FSTL4: variants seen among roughly 807,000 people sequenced by gnomAD.
FSTL4 encodes the protein follistatin like 4.
Under a neutral mutation model 78.2 loss-of-function variants are expected in FSTL4, and 28 were observed. The observed-to-expected ratio is 0.36, with a 90% CI of 0.27 to 0.49. FSTL4 has a LOEUF of 0.49. Among genes scored for constraint, FSTL4 ranks in the 20% least tolerant of loss-of-function variants. The probability of loss-of-function intolerance (pLI) is 0.98; values close to 1 mark genes in which losing one functional copy is unlikely to be tolerated. For missense variants in FSTL4, 922 were observed against 1,084.9 expected, an observed-to-expected ratio of 0.85 and a Z score of 2.11; for synonymous variants, 422 against 440.5, an observed-to-expected ratio of 0.96 and a Z score of 0.53.
chr5:133,707,850 C>T, the FSTL4 span, among the ~76,000 whole-genome samples: 1 of 152,048 alleles, frequency 6.6e-6, no homozygotes, highest in Non-Finnish European at 1.5e-5. Context: ...CCTTTCTGCA[C>T]AGTGCTTCCC....
chr5:133,280,882 C>T (rs1354766103), intron 6 of FSTL4, among the ~76,000 whole-genome samples: 3 of 152,202 alleles, frequency 2.0e-5, no homozygotes, highest in Non-Finnish European at 4.4e-5. Context: ...CCTGTCTCTT[C>T]CTTTACATTA....
intron 14 of FSTL4, among the ~76,000 whole-genome samples, chr5:133,207,389 A>G (rs1159006148): frequency 2.6e-5 from 4 of 152,184 alleles, no homozygotes; most frequent in Non-Finnish European, 5.9e-5. Flanking sequence ...ACCTGTCATC[A>G]CTATTCTCAC....
chr5:133,797,349 G>A, the FSTL4 span, among the ~76,000 whole-genome samples: 1 of 152,226 alleles, frequency 6.6e-6, no homozygotes, highest in Non-Finnish European at 1.5e-5. Flanking sequence ...TTTGGAGTCA[G>A]CAGAAAGGAA....
chr5:133,460,793 C>G (rs569623838), intron 3 of FSTL4, among the ~76,000 whole-genome samples: 1 of 152,312 alleles, frequency 6.6e-6, no homozygotes, highest in South Asian at 2.1e-4. Context: ...TAAACAAGGG[C>G]TTGAATTGAG....
the FSTL4 span, among the ~76,000 whole-genome samples, chr5:133,743,580 G>A: frequency 1.5e-4 from 23 of 152,276 alleles, no homozygotes; most frequent in East Asian, 4.4e-3. Flanking sequence ...ACTAAATAAT[G>A]CAATTCACAT....
the FSTL4 span, among the ~76,000 whole-genome samples, chr5:133,744,740 A>G: frequency 0.14 from 21,702 of 152,022 alleles, 1,848 homozygotes; most frequent in African/African-American, 0.21. Flanking sequence ...CCGGACTAAG[A>G]TGCACCCTTC....
intron 3 of FSTL4, among the ~76,000 whole-genome samples, chr5:133,532,015 T>C (rs890400548): frequency 2.0e-5 from 3 of 152,296 alleles, no homozygotes; most frequent in African/African-American, 7.2e-5. Context: ...AAAACGGACT[T>C]TACAGAAGTG....
At chr5:133,509,569 C>T (rs1298837650) in intron 3 of FSTL4, among the ~76,000 whole-genome samples, 1 of 152,212 alleles carries the variant, frequency 6.6e-6, no homozygotes, top group Non-Finnish European at 1.5e-5. Flanking sequence ...AGTGTTCACT[C>T]TCGCTATTTA....
chr5:133,659,332 TACCA>T, the FSTL4 span, among the ~76,000 whole-genome samples: 1 of 152,092 alleles, frequency 6.6e-6, no homozygotes, highest in East Asian at 1.9e-4. Context: ...TTACTTGTTT[TACCA>T]ATATATAGCA....
intron 4 of FSTL4, among the ~76,000 whole-genome samples, chr5:133,321,687 G>C (rs779754146): frequency 5.3e-5 from 8 of 152,226 alleles, no homozygotes; most frequent in Non-Finnish European, 1.0e-4. Flanking sequence ...CCTGAGCTGG[G>C]GCCCGGATCC....
intron 8 of FSTL4, among the ~76,000 whole-genome samples, chr5:133,229,268 T>C (rs4958105): frequency 4.0e-4 from 61 of 152,332 alleles, no homozygotes; most frequent in East Asian, 1.5e-3. Flanking sequence ...ATGTCTGTAA[T>C]CCCAGCACTT....
At chr5:133,759,346 G>A in the FSTL4 span, among the ~76,000 whole-genome samples, 1 of 152,210 alleles carries the variant, frequency 6.6e-6, no homozygotes, top group Non-Finnish European at 1.5e-5. Flanking sequence ...TACATGCATA[G>A]TGAGAGCATA....
At chr5:133,497,219 C>A (rs1045103514) in intron 3 of FSTL4, among the ~76,000 whole-genome samples, 2 of 152,226 alleles carry the variant, frequency 1.3e-5, no homozygotes, top group African/African-American at 4.8e-5. Flanking sequence ...CTGGAGGGAG[C>A]AGGTCACTGA....
chr5:133,549,223 T>C (rs1759643460), intron 3 of FSTL4, among the ~76,000 whole-genome samples: 1 of 152,194 alleles, frequency 6.6e-6, no homozygotes, highest in Admixed American at 6.5e-5. Context: ...CAATTACAAA[T>C]GACTGAGTCC....
the FSTL4 span, among the ~76,000 whole-genome samples, chr5:133,679,567 C>T: frequency 6.6e-6 from 1 of 152,092 alleles, no homozygotes; most frequent in African/African-American, 2.4e-5. Context: ...AAGAAGGGAC[C>T]TTCTTGGCAT....
chr5:133,752,108 C>G, the FSTL4 span, among the ~76,000 whole-genome samples: 1 of 152,216 alleles, frequency 6.6e-6, no homozygotes, highest in Admixed American at 6.5e-5. Flanking sequence ...AAAGGGCAAC[C>G]AAAAACCTAG....
At chr5:133,697,589 CTT>C in the FSTL4 span, among the ~76,000 whole-genome samples, 1 of 152,230 alleles carries the variant, frequency 6.6e-6, no homozygotes, top group Non-Finnish European at 1.5e-5. Flanking sequence ...GCTAGAATCT[CTT>C]TATTTTTAAG....
At chr5:133,702,494 C>T in the FSTL4 span, among the ~76,000 whole-genome samples, 1 of 151,942 alleles carries the variant, frequency 6.6e-6, no homozygotes, top group Non-Finnish European at 1.5e-5. Context: ...CCCCGGAGTC[C>T]GGGGGCTTGG....
intron 2 of FSTL4, among the ~76,000 whole-genome samples, chr5:133,589,416 TA>T (rs1760576195): frequency 6.6e-6 from 1 of 151,962 alleles, no homozygotes; most frequent in Non-Finnish European, 1.5e-5. Context: ...ATCACACACT[TA>T]GTCCTCCACC....
Sources: gnomAD v4.1 joint callset for allele counts (sites outside exome capture counted in the v4.1 genomes callset) on GRCh38, gnomAD v4.1.1 for gene constraint, MANE v1.5 for transcripts, NCBI Gene and HGNC (gene_info 2026-07-23, HGNC 2026-07-21) for gene names.